Variants in ACVR2A observed in about 807,000 individuals in gnomAD.
ACVR2A encodes activin receptor type-2A.
In ACVR2A, 7 loss-of-function variants were observed where a neutral mutation model predicts 61.4. The observed-to-expected ratio is 0.11, with a 90% CI of 0.06 to 0.21. The LOEUF (loss-of-function observed/expected upper bound fraction) is 0.21, where lower values mean the gene tolerates loss of function less well. ACVR2A is among the 10% of genes least tolerant of loss of function. ACVR2A has a pLI of 1.00. For missense variants in ACVR2A, 322 were observed against 621.7 expected (o/e 0.52, Z 5.13); for synonymous variants, 193 against 208.3 (o/e 0.93, Z 0.63).
At chr2:147,876,653 T>C (rs1445752477) in intron 1 of ACVR2A, among the ~76,000 whole-genome samples, 4 of 152,180 alleles carry the variant, frequency 2.6e-5, no homozygotes, top group Non-Finnish European at 5.9e-5. Flanking sequence ...CTCTTGCGCT[T>C]TCATTGCAGT....
chr2:147,868,068 G>A (rs1333801392), intron 1 of ACVR2A, among the ~76,000 whole-genome samples: 2 of 152,044 alleles, frequency 1.3e-5, no homozygotes, highest in South Asian at 2.1e-4. Context: ...CTCTCTTCAC[G>A]TTAGAACTTA....
At chr2:147,888,750 G>A (rs1686506597) in intron 1 of ACVR2A, among the ~76,000 whole-genome samples, 1 of 151,154 alleles carries the variant, frequency 6.6e-6, no homozygotes. Context: ...GCAAATAGAG[G>A]GAGTTTTATT....
At chr2:147,919,659 G>T (rs1687333144) in intron 7 of ACVR2A, among the ~76,000 whole-genome samples, 1 of 152,180 alleles carries the variant, frequency 6.6e-6, no homozygotes, top group Non-Finnish European at 1.5e-5. Context: ...CCTTAAAACT[G>T]TTACCCTTTT....
chr2:147,887,211 C>CAA (rs549077029), intron 1 of ACVR2A, among the ~76,000 whole-genome samples: 8 of 114,026 alleles, frequency 7.0e-5, no homozygotes, highest in Admixed American at 9.3e-5. Context: ...GATCTTGTCT[C>CAA]AAAAAAAAAA....
chr2:147,852,112 G>A (rs1280905474), intron 1 of ACVR2A, among the ~76,000 whole-genome samples: 1 of 151,984 alleles, frequency 6.6e-6, no homozygotes, highest in Non-Finnish European at 1.5e-5. Flanking sequence ...ATTAGAATTT[G>A]AATTATATAG....
intron 1 of ACVR2A, among the ~76,000 whole-genome samples, chr2:147,849,863 C>T (rs902527977): frequency 1.3e-5 from 2 of 152,144 alleles, no homozygotes; most frequent in East Asian, 3.9e-4. Flanking sequence ...CACAACTAAA[C>T]CAAATGAGAT....
At chr2:147,877,098 TG>T (rs1265333852) in intron 1 of ACVR2A, among the ~76,000 whole-genome samples, 1 of 152,196 alleles carries the variant, frequency 6.6e-6, no homozygotes, top group Non-Finnish European at 1.5e-5. Context: ...TGGCCAGCTG[TG>T]GCCTTATTTA....
At chr2:147,851,645 C>T (rs576140723) in intron 1 of ACVR2A, among the ~76,000 whole-genome samples, 2 of 152,206 alleles carry the variant, frequency 1.3e-5, no homozygotes, top group East Asian at 1.9e-4. Flanking sequence ...AACATTTTCT[C>T]TGTCACTCAA....
In ACVR2A at chr2:147,901,775, A is replaced by G. The variant is rs144401034; in HGVS notation, c.528+1877A>G. On this transcript the variant is annotated intron_variant, in intron 4 of 10. Transcript: ENST00000241416. ...CCTGACTTTATGCTTTCCTTCTGTC[A>G]TAAACTATGTTGTGGAAAAGGGGCA... Among the ~76,000 whole-genome samples the G allele has an allele frequency of 8.1e-3, 1,229 of 152,168 alleles. 9 individuals are homozygous for G. Among genetic ancestry groups the G allele is most frequent in the Middle Eastern group, 0.024 (7 of 294 alleles).
rs904538914 is a variant in ACVR2A at position 147,846,900 on chromosome 2, C to A, written c.55+1693C>A. Among the ~76,000 whole-genome samples the A allele has an allele frequency of 2.6e-5, 4 of 152,240 alleles. No individual in the cohort carries two copies. The South Asian group carries it at 8.3e-4, about 32-fold the overall frequency. The stretch of plus-strand genomic sequence containing the variant: ...TGGCCACTGACCAAGGAATTGTGGA[C>A]ATTATTCCCTCTCAAACCCACCTGA... On this transcript the variant is annotated intron_variant, in intron 1 of 10. Transcript: ENST00000241416.
chr2:147,902,185 G>T (rs768473392), intron 4 of ACVR2A, among the ~76,000 whole-genome samples: 1 of 151,890 alleles, frequency 6.6e-6, no homozygotes, highest in African/African-American at 2.4e-5. Flanking sequence ...ATGGAATGGG[G>T]CATGGGATGT....
At chr2:147,847,183 A>G (rs1261110429) in intron 1 of ACVR2A, among the ~76,000 whole-genome samples, 2 of 152,098 alleles carry the variant, frequency 1.3e-5, no homozygotes, top group Non-Finnish European at 2.9e-5. Context: ...TATTAAACTA[A>G]TATTATGTTG....
chr2:147,869,611 T>C (rs1293298689), intron 1 of ACVR2A, among the ~76,000 whole-genome samples: 1 of 152,218 alleles, frequency 6.6e-6, no homozygotes, highest in Non-Finnish European at 1.5e-5. Context: ...ATGCTTATGC[T>C]CTAGTTGAAG....
chr2:147,930,737 T>C lies in ACVR2A; in HGVS notation c.*3463T>C, dbSNP rs1687673636. On this transcript the variant is annotated 3_prime_UTR_variant, in exon 11 of 11. Transcript: ENST00000241416. ...CTTAAAATCCCCATAAAACCCCACC[T>C]TGGATAAGTGATTGTTAAATATTGT... The C allele has an allele frequency of 2.0e-5, 3 of 152,480 alleles. No homozygotes were observed. The allele number at this position is 152,480 out of a possible 1,614,324, so 9.4% of individuals were successfully genotyped here.
intron 1 of ACVR2A, among the ~76,000 whole-genome samples, chr2:147,880,297 A>AG (rs1228055261): frequency 1.3e-5 from 2 of 152,118 alleles, no homozygotes; most frequent in Admixed American, 6.6e-5. Context: ...TCTGCCTTCC[A>AG]AAGTATTGGG....
intron 1 of ACVR2A, among the ~76,000 whole-genome samples, chr2:147,862,275 A>G (rs1206164718): frequency 6.6e-6 from 1 of 151,578 alleles, no homozygotes; most frequent in Non-Finnish European, 1.5e-5. Context: ...CTCTAATTCT[A>G]GGGCAGATTT....
chr2:147,919,566 T>C (rs1687331723), intron 7 of ACVR2A, among the ~76,000 whole-genome samples: 1 of 152,148 alleles, frequency 6.6e-6, no homozygotes, highest in South Asian at 2.1e-4. Flanking sequence ...CACTAGTCAT[T>C]GGCATAGATG....
intron 1 of ACVR2A, among the ~76,000 whole-genome samples, chr2:147,853,667 G>GGGTT (rs926861093): frequency 2.6e-5 from 4 of 151,958 alleles, no homozygotes; most frequent in Non-Finnish European, 5.9e-5. Flanking sequence ...ATGTGGGGAG[G>GGGTT]GGTTGCCTTT....
At chr2:147,871,643 C>CCTTG (rs1249903855) in intron 1 of ACVR2A, among the ~76,000 whole-genome samples, 1 of 152,044 alleles carries the variant, frequency 6.6e-6, no homozygotes, top group East Asian at 1.9e-4. Flanking sequence ...TGCTCTTATG[C>CCTTG]CTTGCACTGC....
Sources: allele counts gnomAD v4.1 joint callset (sites outside exome capture counted in the v4.1 genomes callset), GRCh38; gene constraint gnomAD v4.1.1; transcripts MANE v1.5; gene names NCBI Gene and HGNC (gene_info 2026-07-23, HGNC 2026-07-21).